The following UTP15 variants were observed in gnomAD, a reference collection of about 807,000 sequenced individuals.
UTP15 encodes the protein UTP15 small subunit processome component, also known as U3 small nucleolar RNA-associated protein 15 homolog.
UTP15 carries 5 observed loss-of-function variants against 59.1 expected under a neutral mutation model. The observed-to-expected ratio is 0.08, with a 90% CI of 0.04 to 0.18. The LOEUF (loss-of-function observed/expected upper bound fraction) is 0.18, where lower values mean the gene tolerates loss of function less well. Ranked by LOEUF, UTP15 falls within the 10% of genes least tolerant of loss-of-function variation. The probability of loss-of-function intolerance (pLI) is 1.00; values close to 1 mark genes in which losing one functional copy is unlikely to be tolerated. For synonymous variants in UTP15, 211 were observed against 212.2 expected (o/e 0.99, Z 0.05); for missense variants, 494 against 616.7 (o/e 0.80, Z 2.11).
Position 73,581,460 on chromosome 5 carries a change from A to G in UTP15, c.*1366A>G, listed in dbSNP as rs1748305251. 6.6e-6 allele frequency: 1 copy of G among 152,160 alleles called. No homozygotes were observed. The highest frequency in any genetic ancestry group is 6.5e-5 in the Admixed American group (1 of 15,274). 9.4% of individuals were successfully genotyped at this position (152,160 alleles called of 1,614,324 possible). Reference sequence around the variant, plus strand: ...GTAACTCCTAGTACACTGGTTTCACAGTTGCTACCTCTCCTGCTTTTCTCT... The same window carrying G: ...GTAACTCCTAGTACACTGGTTTCACGGTTGCTACCTCTCCTGCTTTTCTCT... On this transcript the variant is annotated 3_prime_UTR_variant, in exon 13 of 13. Coordinates refer to ENST00000296792, the MANE Select transcript of UTP15 (RefSeq NM_032175.4).
At position 73,583,013 on chromosome 5, in the gene UTP15, T is replaced by G. The variant is rs1748369653; in HGVS notation, c.*2919T>G. On this transcript the variant is annotated 3_prime_UTR_variant, in exon 13 of 13. Transcript: ENST00000296792. Reference sequence around the variant, plus strand: ...TAAAAGAATCATTTTTTTAAATGTATAAATGCTATTAAGTTGTTTAAAGGA... The same window carrying G: ...TAAAAGAATCATTTTTTTAAATGTAGAAATGCTATTAAGTTGTTTAAAGGA... 1 of 152,228 alleles carries G rather than the reference T, an allele frequency of 6.6e-6. No individual in the cohort carries two copies. The highest frequency in any genetic ancestry group is 2.4e-5 in the African/African-American group (1 of 41,458). 9.4% of individuals were successfully genotyped at this position (152,228 alleles called of 1,614,324 possible).
chr5:73,575,972 C>T (rs1326883075), intron 7 of UTP15, among the ~76,000 whole-genome samples: 4 of 151,446 alleles, frequency 2.6e-5, no homozygotes, highest in Non-Finnish European at 4.4e-5. Flanking sequence ...CTGCCCACCT[C>T]GGCCTCCAAA....
chr5:73,579,501 T>G, intron 12 of UTP15, 126 bp downstream of exon 12: 1 of 781,832 alleles, frequency 1.3e-6, no homozygotes, highest in South Asian at 1.9e-5. Flanking sequence ...TGGATTTTCA[T>G]GGAGAAAACA....
At chr5:73,566,095 T>C in intron 1 of UTP15, 183 bp downstream of exon 1, 1 of 323,484 alleles carries the variant, frequency 3.1e-6, no homozygotes, top group Non-Finnish European at 6.1e-6. Flanking sequence ...CACCCTTTCC[T>C]GTCCACCGTT....
intron 1 of UTP15, among the ~76,000 whole-genome samples, chr5:73,566,657 C>T (rs1170548694): frequency 2.6e-5 from 4 of 152,176 alleles, no homozygotes; most frequent in Non-Finnish European, 5.9e-5. Context: ...AATGTTTTGG[C>T]TTGATTGCAT....
In UTP15 at chr5:73,579,783, T is replaced by C. The variant is rs1481677488; in HGVS notation, c.1340-94T>C. On this transcript the variant is annotated intron_variant, in intron 12 of 12. Transcript: ENST00000296792. ...AAGTACAGATTTTTCAGTGTTCTTA[T>C]GTTTAATATTTTTATACTTTTAAAA... is the stretch of plus-strand genomic sequence containing the variant. The C allele has an allele frequency of 9.0e-6, 6 of 667,618 alleles. No homozygotes were observed. In the South Asian group the frequency reaches 1.3e-4, roughly 15 times the overall value. The allele number at this position is 667,618 out of a possible 1,614,324, so 41.4% of individuals were successfully genotyped here.
intron 7 of UTP15, among the ~76,000 whole-genome samples, chr5:73,576,492 T>C (rs1387794810): frequency 6.6e-6 from 1 of 151,236 alleles, no homozygotes; most frequent in Middle Eastern, 3.4e-3. Flanking sequence ...TTTTTTTTTT[T>C]AGACAGAGCT....
intron 7 of UTP15, among the ~76,000 whole-genome samples, chr5:73,576,329 C>T (rs947885440): frequency 1.3e-5 from 2 of 151,980 alleles, no homozygotes; most frequent in African/African-American, 4.8e-5. Flanking sequence ...TGGTCTTGAA[C>T]TCCTGGCCTC....
At chr5:73,578,625 A>G in intron 9 of UTP15, 126 bp from the exon 10 acceptor site, 4 of 742,908 alleles carry the variant, frequency 5.4e-6, no homozygotes, top group East Asian at 2.7e-5. Flanking sequence ...AATCTACATT[A>G]TGGGCATATG....
chr5:73,570,851 G>A (rs573780288), intron 6 of UTP15, 140 bp downstream of exon 6: 2 of 1,198,114 alleles, frequency 1.7e-6, no homozygotes, highest in Non-Finnish European at 2.4e-6. Flanking sequence ...AGGTAGGACT[G>A]GCAAGCAGTT....
chr5:73,568,358 C>A, intron 3 of UTP15, 31 bp downstream of exon 3: 1 of 1,584,606 alleles, frequency 6.3e-7, no homozygotes, highest in South Asian at 1.2e-5. Context: ...CTTTATTTTT[C>A]TTTTGTATAG....
chr5:73,580,185 A>G lies in UTP15; in HGVS notation c.*91A>G. ...CGAGAGACTCTCTTTGATACATTAA[A>G]AAAACTGTTTGCAGAAGCAGTTCTG... On this transcript the variant is annotated 3_prime_UTR_variant, in exon 13 of 13. Coordinates refer to ENST00000296792, the MANE Select transcript of UTP15 (RefSeq NM_032175.4). The G allele has an allele frequency of 8.6e-7, 1 of 1,164,000 alleles. No individual in the cohort carries two copies. Among genetic ancestry groups the G allele is most frequent in the Non-Finnish European group, 1.2e-6 (1 of 836,734 alleles). The allele number at this position is 1,164,000 out of a possible 1,614,324, so 72.1% of individuals were successfully genotyped here. A position where few individuals can be genotyped will look rare whatever the true frequency, so the allele number is the denominator to read the frequency against.
chr5:73,579,968 A>T lies in UTP15; in HGVS notation c.1431A>T (p.Gln477His). The T allele has an allele frequency of 6.2e-7, 1 of 1,613,916 alleles. No homozygotes were observed. The highest frequency in any genetic ancestry group is 8.5e-7 in the Non-Finnish European group (1 of 1,179,850). ...QGLVEKEIDY[Q>H]RELLETLGMM... ...TTGTAGAAAAAGAGATTGATTACCAAAGAGAATTGTTAGAAACCTTGGGGA... is the reference window on the plus strand; with the variant it reads ...TTGTAGAAAAAGAGATTGATTACCATAGAGAATTGTTAGAAACCTTGGGGA... The change falls in exon 13 of 13, where the codon CAA becomes CAT. Residue 477 changes from glutamine to histidine, a missense_variant. Coordinates refer to ENST00000296792, the MANE Select transcript of UTP15 (RefSeq NM_032175.4).
intron 7 of UTP15, among the ~76,000 whole-genome samples, chr5:73,575,949 G>A (rs992926033): frequency 2.0e-5 from 3 of 151,844 alleles, no homozygotes; most frequent in African/African-American, 2.4e-5. Flanking sequence ...TTTAACTCCC[G>A]ACCTCAGGTG....
rs1748305570 is a variant in UTP15 at position 73,581,470 on chromosome 5, T to G, written c.*1376T>G. The G allele has an allele frequency of 6.6e-6, 1 of 152,198 alleles. No homozygotes were observed. The highest frequency in any genetic ancestry group is 1.5e-5 in the Non-Finnish European group (1 of 68,042). 9.4% of individuals were successfully genotyped at this position (152,198 alleles called of 1,614,324 possible). On this transcript the variant is annotated 3_prime_UTR_variant, in exon 13 of 13. Transcript: ENST00000296792. The stretch of plus-strand genomic sequence containing the variant: ...GTACACTGGTTTCACAGTTGCTACC[T>G]CTCCTGCTTTTCTCTAATTATTACG...
In UTP15 at chr5:73,569,531, T is replaced by G; in HGVS notation, c.403T>G (p.Tyr135Asp). The G allele has an allele frequency of 6.2e-7, 1 of 1,611,654 alleles. No homozygotes were observed. ...TACAGTAGATTTTACAGCTGACAAA[T>G]ATCACGTGGTCTCTGGGGCTGATGA... is the stretch of plus-strand genomic sequence containing the variant. ...VHTVDFTADKYHVVSGADDYT... is the reference protein window; with the variant it reads ...VHTVDFTADKDHVVSGADDYT... Residue 135 changes from tyrosine to aspartate, a missense_variant, in exon 5 of 13, where the codon TAT becomes GAT. Physicochemically the swap from Tyr to Asp is radical, Grantham distance 160. Coordinates refer to ENST00000296792, the MANE Select transcript of UTP15 (RefSeq NM_032175.4).
intron 8 of UTP15, 73 bp downstream of exon 8, chr5:73,577,109 G>A (rs1748127302): frequency 1.7e-6 from 2 of 1,188,816 alleles, no homozygotes; most frequent in Non-Finnish European, 2.4e-6. Flanking sequence ...GGAACTTTGG[G>A]CTTTATTTTT....
chr5:73,579,312 T>G lies in UTP15; in HGVS notation c.1281-5T>G, dbSNP rs1434920377. On this transcript the variant is annotated splice_polypyrimidine_tract_variant and splice_region_variant and intron_variant, in intron 11 of 12. Coordinates refer to ENST00000296792, the MANE Select transcript of UTP15 (RefSeq NM_032175.4). The stretch of plus-strand genomic sequence containing the variant: ...GTTTCACTAAACTGAATTTTTACTT[T>G]GTAGGAATCTTTCTCAGCCAAGATT... 6.2e-7 allele frequency: 1 copy of G among 1,607,130 alleles called. No individual in the cohort carries two copies. Among genetic ancestry groups the G allele is most frequent in the Admixed American group, 1.7e-5 (1 of 58,726 alleles).
At chr5:73,576,499 A>G (rs1312482718) in intron 7 of UTP15, among the ~76,000 whole-genome samples, 52 of 132,362 alleles carry the variant, frequency 3.9e-4, no homozygotes, top group Non-Finnish European at 1.3e-4. Flanking sequence ...TTTTAGACAG[A>G]GCTTTGCTCT....
Sources: allele counts gnomAD v4.1 joint callset (sites outside exome capture counted in the v4.1 genomes callset), GRCh38; gene constraint gnomAD v4.1.1; transcripts MANE v1.5; gene names NCBI Gene and HGNC (gene_info 2026-07-23, HGNC 2026-07-21).